GHR: variants seen among roughly 807,000 people sequenced by gnomAD.
GHR encodes the protein GH receptor.
A neutral mutation model predicts 67.1 loss-of-function variants in GHR; 35 were observed. That is an observed-to-expected ratio of 0.52 (90% CI 0.40 to 0.69). GHR has a LOEUF of 0.69. GHR is among the 30% of genes least tolerant of loss of function. GHR has a pLI of 0.00. For synonymous variants in GHR, 272 were observed against 269.1 expected (o/e 1.01, Z -0.10); for missense variants, 792 against 764.6 (o/e 1.04, Z -0.42).
At chr5:42,653,530 A>G (rs1225903817) in intron 3 of GHR, among the ~76,000 whole-genome samples, 1 of 152,178 alleles carries the variant, frequency 6.6e-6, no homozygotes, top group Admixed American at 6.5e-5. Flanking sequence ...CATGGTAACA[A>G]ATGTAATTCA....
chr5:42,606,405 G>A (rs73087424), intron 2 of GHR, among the ~76,000 whole-genome samples: 4,260 of 152,268 alleles, frequency 0.028, 157 homozygotes, highest in African/African-American at 0.085. Flanking sequence ...CATGATGCTA[G>A]CATCTGCTTC....
At chr5:42,562,907 C>A (rs777905276) in intron 1 of GHR, among the ~76,000 whole-genome samples, 1 of 152,120 alleles carries the variant, frequency 6.6e-6, no homozygotes, top group Non-Finnish European at 1.5e-5. Context: ...CCTCGGCCCC[C>A]CAAAGTGCTG....
intron 1 of GHR, among the ~76,000 whole-genome samples, chr5:42,543,345 T>C (rs556539975): frequency 1.1e-3 from 163 of 152,276 alleles, no homozygotes; most frequent in African/African-American, 3.9e-3. Context: ...ATAATGGCCA[T>C]TCTGGCTAGG....
At chr5:42,610,003 C>T (rs1029151279) in intron 2 of GHR, among the ~76,000 whole-genome samples, 5 of 152,096 alleles carry the variant, frequency 3.3e-5, no homozygotes, top group African/African-American at 9.7e-5. Flanking sequence ...ACAGCTAAGG[C>T]TCTCAGGAAG....
chr5:42,468,845 C>CT (rs1416462634), intron 1 of GHR: 31 of 948,090 alleles, frequency 3.3e-5, no homozygotes, highest in Non-Finnish European at 4.4e-5. Flanking sequence ...CAGCTGAAGC[C>CT]TTCCTGTAAC....
Position 42,718,628 on chromosome 5 carries a change from A to C in GHR, c.1121A>C (p.His374Pro). Reference protein sequence around the residue: ...RLLSSDHEKSHSNLGVKDGDS... With the variant: ...RLLSSDHEKSPSNLGVKDGDS... Reference sequence around the variant, plus strand: ...CTAAGCAGTGACCATGAGAAATCACATAGTAACCTAGGGGTGAAGGATGGC... The same window carrying C: ...CTAAGCAGTGACCATGAGAAATCACCTAGTAACCTAGGGGTGAAGGATGGC... Residue 374 changes from histidine to proline, a missense_variant, in exon 10 of 10, where the codon CAT becomes CCT. Transcript: ENST00000230882. The C allele has an allele frequency of 1.2e-6, 2 of 1,614,150 alleles. No homozygotes were observed. The highest frequency in any genetic ancestry group is 1.7e-6 in the Non-Finnish European group (2 of 1,179,980).
At chr5:42,536,001 G>C (rs1271750540) in intron 1 of GHR, among the ~76,000 whole-genome samples, 1 of 152,096 alleles carries the variant, frequency 6.6e-6, no homozygotes, top group East Asian at 1.9e-4. Context: ...ACTGATTTGT[G>C]TACATTAATC....
At chr5:42,694,182 C>T (rs560038326) in intron 4 of GHR, among the ~76,000 whole-genome samples, 40 of 152,296 alleles carry the variant, frequency 2.6e-4, no homozygotes, top group African/African-American at 9.1e-4. Context: ...CTAATGAGCA[C>T]TTACCCACAT....
chr5:42,645,072 A>T (rs985944778), intron 3 of GHR, among the ~76,000 whole-genome samples: 9 of 152,180 alleles, frequency 5.9e-5, no homozygotes, highest in African/African-American at 2.2e-4. Flanking sequence ...AGTTTAGAGA[A>T]TTATTGTGAG....
intron 3 of GHR, among the ~76,000 whole-genome samples, chr5:42,666,693 G>A (rs1471967072): frequency 2.0e-5 from 3 of 152,120 alleles, no homozygotes. Context: ...TGCTCAGAAT[G>A]TGGTCCCCAG....
In GHR at chr5:42,713,487, G is replaced by T; in HGVS notation, c.843G>T (p.Met281Ile). 1 of 1,493,730 alleles carries T rather than the reference G, an allele frequency of 6.7e-7. No homozygotes were observed. 92.5% of individuals were successfully genotyped at this position (1,493,730 alleles called of 1,614,324 possible). The change falls in exon 8 of 10, where the codon ATG becomes ATT. Residue 281 changes from methionine (M) to isoleucine (I), a missense_variant. By Grantham distance (10) the Met-to-Ile change is conservative (BLOSUM62 1). Coordinates refer to ENST00000230882, the MANE Select transcript of GHR (RefSeq NM_000163.5). ...TTGGAATATTTGGGCTAACAGTGAT[G>T]CTATTTGTATTCTTATTTTCTAAAC... ...IIFGIFGLTV[M>I]LFVFLFSKQQ... is the part of the protein sequence containing the mutation.
At chr5:42,439,526 A>C (rs1002110563) in intron 1 of GHR, among the ~76,000 whole-genome samples, 31 of 152,330 alleles carry the variant, frequency 2.0e-4, no homozygotes, top group Admixed American at 1.9e-3. Context: ...GACTTTGATT[A>C]ATATCTTTAG....
At chr5:42,493,568 C>T (rs1746202556) in intron 1 of GHR, among the ~76,000 whole-genome samples, 1 of 152,086 alleles carries the variant, frequency 6.6e-6, no homozygotes, top group African/African-American at 2.4e-5. Context: ...ATGGGTCATG[C>T]ATTATCTATA....
chr5:42,589,623 A>T (rs189452416), intron 2 of GHR, among the ~76,000 whole-genome samples: 2 of 152,248 alleles, frequency 1.3e-5, no homozygotes, highest in Admixed American at 6.5e-5. Flanking sequence ...ATATATAAGT[A>T]GTTGTGTTAT....
chr5:42,459,415 G>C (rs138321169), intron 1 of GHR, among the ~76,000 whole-genome samples: 3,359 of 152,252 alleles, frequency 0.022, 123 homozygotes, highest in African/African-American at 0.077. Context: ...CACAGGAACA[G>C]AAAACCAAAT....
intron 2 of GHR, among the ~76,000 whole-genome samples, chr5:42,625,712 T>C (rs1753668102): frequency 6.7e-6 from 1 of 150,094 alleles, no homozygotes; most frequent in South Asian, 2.1e-4. Flanking sequence ...TGAGTTTGTC[T>C]GAAGACCTGG....
chr5:42,477,339 CAT>C (rs1394566120), intron 1 of GHR, among the ~76,000 whole-genome samples: 1 of 152,118 alleles, frequency 6.6e-6, no homozygotes, highest in Non-Finnish European at 1.5e-5. Flanking sequence ...CCACAATAAA[CAT>C]ACGTGTGCAT....
chr5:42,654,028 C>CT (rs1177903645), intron 3 of GHR, among the ~76,000 whole-genome samples: 7 of 152,130 alleles, frequency 4.6e-5, no homozygotes, highest in African/African-American at 1.7e-4. Flanking sequence ...GCTATTCACT[C>CT]TTTTTTCCTA....
At chr5:42,561,056 T>G (rs1453471637) in intron 1 of GHR, among the ~76,000 whole-genome samples, 2 of 152,236 alleles carry the variant, frequency 1.3e-5, no homozygotes, top group Non-Finnish European at 2.9e-5. Context: ...CCTTGTTCTC[T>G]ATTCACCAGC....
Sources: allele counts gnomAD v4.1 joint callset (sites outside exome capture counted in the v4.1 genomes callset), GRCh38; gene constraint gnomAD v4.1.1; transcripts MANE v1.5; gene names NCBI Gene and HGNC (gene_info 2026-07-23, HGNC 2026-07-21).